MBNL1: variants seen among roughly 807,000 people sequenced by gnomAD.
MBNL1 encodes muscleblind-like protein 1.
In MBNL1, 8 loss-of-function variants were observed where a neutral mutation model predicts 42.2. The observed-to-expected ratio is 0.19, with a 90% CI of 0.11 to 0.34. The LOEUF is 0.34. MBNL1 is among the 10% of genes least tolerant of loss of function. The pLI, the probability that MBNL1 is intolerant of heterozygous loss-of-function variation, is 1.00. For missense variants in MBNL1, 309 were observed against 495.3 expected, an observed-to-expected ratio of 0.62 and a Z score of 3.57; for synonymous variants, 169 against 173.9, an observed-to-expected ratio of 0.97 and a Z score of 0.22.
chr3:152,374,164 A>G (rs962063218), intron 2 of MBNL1, among the ~76,000 whole-genome samples: 8 of 152,258 alleles, frequency 5.3e-5, no homozygotes, highest in Non-Finnish European at 1.0e-4. Context: ...TAGCCTAGCT[A>G]TAGAAACAGC....
rs564258645 is a variant in MBNL1, at chr3:152,293,878, A to G, written c.-789-5527A>G. Reference sequence around the variant, plus strand: ...ATCCAGTTCTCCAAAAGAGAATTTCATTTTCATACCTTGTAAGCATCTCTT... The same window carrying G: ...ATCCAGTTCTCCAAAAGAGAATTTCGTTTTCATACCTTGTAAGCATCTCTT... On this transcript the variant is annotated intron_variant, in intron 1 of 9. Transcript: ENST00000324210. 2.0e-5 allele frequency among the ~76,000 whole-genome samples: 3 copies of G among 152,288 alleles called. No homozygotes were observed. In the East Asian group the frequency reaches 5.8e-4, roughly 29 times the overall value.
intron 2 of MBNL1, among the ~76,000 whole-genome samples, chr3:152,356,660 G>T (rs1029559576): frequency 6.6e-6 from 1 of 152,076 alleles, no homozygotes; most frequent in Non-Finnish European, 1.5e-5. Context: ...AGTAGAGACC[G>T]GGTTTCACCA....
rs558792280 is a variant in MBNL1 at position 152,256,853 on chromosome 3, C to T, written n.333+12413C>T. On this transcript the variant is annotated intron_variant and non_coding_transcript_variant, in intron 2 of 2. Transcript: ENST00000477171. ...TCTATTTCTGGTTCAGGTTAAAAGC[C>T]GCCCATAAAAAACATTACCTGGCCT... is the stretch of plus-strand genomic sequence containing the variant. Among the ~76,000 whole-genome samples the T allele has an allele frequency of 3.9e-5, 6 of 151,928 alleles. No individual in the cohort carries two copies. In the South Asian group the frequency reaches 8.3e-4, roughly 21 times the overall value.
At position 152,376,277 on chromosome 3, in the gene MBNL1, T is replaced by C. The variant is rs896468998; in HGVS notation, c.175-38664T>C. On this transcript the variant is annotated intron_variant, in intron 2 of 9. Coordinates refer to ENST00000324210, the MANE Select transcript of MBNL1 (RefSeq NM_021038.5). ...TTCTTGAGAAAAGACTATATTTTGT[T>C]AACTTTTTCGGATTATACAAGTATT... Among the ~76,000 whole-genome samples the C allele has an allele frequency of 2.0e-5, 3 of 152,252 alleles. No homozygotes were observed. The South Asian group carries it at 6.2e-4, about 31-fold the overall frequency.
rs189868528 is a variant in MBNL1, at chr3:152,370,942, T to C, written c.175-43999T>C. ...ATACAGCACACCAATGGATCTTGAC[T>C]CTTTATTCAATTTGCCAGTCTGTGT... On this transcript the variant is annotated intron_variant, in intron 2 of 9. Coordinates refer to ENST00000324210, the MANE Select transcript of MBNL1 (RefSeq NM_021038.5). Among the ~76,000 whole-genome samples, 47 of 152,264 alleles carry C rather than the reference T, an allele frequency of 3.1e-4. No individual in the cohort carries two copies. The East Asian group carries it at 8.3e-3, about 27-fold the overall frequency.
intron 2 of MBNL1, among the ~76,000 whole-genome samples, chr3:152,318,797 A>G (rs1190405540): frequency 2.0e-5 from 3 of 152,180 alleles, no homozygotes; most frequent in Non-Finnish European, 4.4e-5. Flanking sequence ...TTTGAAGAAC[A>G]GAAGTAAAAT....
chr3:152,379,969 A>G (rs1166763991), intron 2 of MBNL1, among the ~76,000 whole-genome samples: 1 of 152,138 alleles, frequency 6.6e-6, no homozygotes, highest in Non-Finnish European at 1.5e-5. Context: ...AGAACCTAGA[A>G]CCACAAGACT....
At chr3:152,441,175 C>A (rs2099141107) in intron 4 of MBNL1, among the ~76,000 whole-genome samples, 1 of 152,180 alleles carries the variant, frequency 6.6e-6, no homozygotes. Context: ...TGACCCTCCA[C>A]TTTTGAATAA....
intron 1 of MBNL1, among the ~76,000 whole-genome samples, chr3:152,288,077 G>A (rs1437752756): frequency 6.6e-6 from 1 of 152,060 alleles, no homozygotes; most frequent in Admixed American, 6.6e-5. Context: ...TGACTACACG[G>A]TAAAATCACA....
chr3:152,260,288 T>C (rs1328974134), intron 2 of MBNL1, among the ~76,000 whole-genome samples: 2 of 152,124 alleles, frequency 1.3e-5, no homozygotes, highest in Non-Finnish European at 2.9e-5. Context: ...CAGTTACTCA[T>C]TGCTAAGCCC....
intron 2 of MBNL1, chr3:152,300,972 A>C (rs2060499306): frequency 1.0e-6 from 1 of 956,596 alleles, no homozygotes; most frequent in Non-Finnish European, 1.2e-6. Context: ...ACTTTGTTGC[A>C]TGTGAGTTAT....
chr3:152,442,370 A>C (rs2099156082), intron 4 of MBNL1, among the ~76,000 whole-genome samples: 1 of 152,224 alleles, frequency 6.6e-6, no homozygotes, highest in African/African-American at 2.4e-5. Context: ...TGAGCATAAA[A>C]GATCACCAAA....
intron 2 of MBNL1, among the ~76,000 whole-genome samples, chr3:152,309,940 A>G (rs897295985): frequency 6.6e-6 from 1 of 152,230 alleles, no homozygotes; most frequent in African/African-American, 2.4e-5. Context: ...GGATAATAAA[A>G]TACTTTAAAA....
intron 4 of MBNL1, among the ~76,000 whole-genome samples, chr3:152,433,764 A>AT (rs1410076603): frequency 7.9e-5 from 12 of 152,030 alleles, no homozygotes; most frequent in Non-Finnish European, 1.0e-4. Flanking sequence ...AAAAAAAAAA[A>AT]AAAGTTTTTT....
chr3:152,299,023 C>T (rs968641145), intron 1 of MBNL1: 1 of 152,612 alleles, frequency 6.6e-6, no homozygotes, highest in African/African-American at 2.4e-5. Context: ...TGCTCGTCCT[C>T]TTGCAGTGGA....
Position 152,300,138 on chromosome 3 carries a change from G to T in MBNL1, c.-56G>T, listed in dbSNP as rs1037961420. On this transcript the variant is annotated 5_prime_UTR_variant, in exon 2 of 10. Transcript: ENST00000324210. ...TTTTTTTGGTTGTTGCTCTTTTTTG[G>T]GGGGGTTGGGTTTGTTGGTTTCACT... 9 of 1,192,390 alleles carry T rather than the reference G, an allele frequency of 7.5e-6. No individual in the cohort carries two copies. Among genetic ancestry groups the T allele is most frequent in the Admixed American group, 2.6e-5 (1 of 38,474 alleles). 73.9% of individuals were successfully genotyped at this position (1,192,390 alleles called of 1,614,324 possible).
intron 2 of MBNL1, among the ~76,000 whole-genome samples, chr3:152,382,385 AT>A (rs911907398): frequency 2.6e-5 from 4 of 152,092 alleles, no homozygotes; most frequent in Non-Finnish European, 4.4e-5. Flanking sequence ...GTTGCATAAC[AT>A]TTTTTTTAAA....
intron 2 of MBNL1, among the ~76,000 whole-genome samples, chr3:152,303,788 A>C (rs1283646028): frequency 6.6e-6 from 1 of 152,148 alleles, no homozygotes; most frequent in South Asian, 2.1e-4. Flanking sequence ...ACTGAATTCT[A>C]TTTCAAATAC....
chr3:152,404,161 A>G (rs1380199723), intron 2 of MBNL1, among the ~76,000 whole-genome samples: 2 of 152,222 alleles, frequency 1.3e-5, no homozygotes, highest in Non-Finnish European at 2.9e-5. Flanking sequence ...CCAATGAAAA[A>G]TTGGGAAAAA....
Sources: allele counts gnomAD v4.1 joint callset (sites outside exome capture counted in the v4.1 genomes callset), GRCh38; gene constraint gnomAD v4.1.1; transcripts MANE v1.5; gene names NCBI Gene and HGNC (gene_info 2026-07-23, HGNC 2026-07-21).